TAFA2: variants seen among roughly 807,000 people sequenced by gnomAD.
TAFA2 encodes the protein chemokine-like protein TAFA-2.
Under a neutral mutation model 18.8 loss-of-function variants are expected in TAFA2, and 7 were observed. The observed-to-expected ratio is 0.37, with a 90% confidence interval of 0.21 to 0.70. The LOEUF is 0.70. Among genes scored for constraint, TAFA2 ranks in the 30% least tolerant of loss-of-function variants. The pLI, the probability that TAFA2 is intolerant of heterozygous loss-of-function variation, is 0.53. For synonymous variants in TAFA2, 60 were observed against 54.2 expected, an observed-to-expected ratio of 1.11 and a Z score of -0.47; for missense variants, 122 against 158.1, an observed-to-expected ratio of 0.77 and a Z score of 1.23.
rs376712058 is a variant in TAFA2, at chr12:61,715,777, G to T, written c.385-5360C>A. Among the ~76,000 whole-genome samples, 3 of 151,812 alleles carry T rather than the reference G, an allele frequency of 2.0e-5. No individual in the cohort carries two copies. The East Asian group carries it at 5.8e-4, about 29-fold the overall frequency. On this transcript the variant is annotated intron_variant, in intron 4 of 4. Coordinates refer to ENST00000416284, the MANE Select transcript of TAFA2 (RefSeq NM_178539.5). ...AAAAAAAAAAATTAAAAATTAGCCA[G>T]TCGTGATGGTGCACACCTCTAGTCC...
At chr12:61,916,858 G>A (rs1266174903) in intron 1 of TAFA2, among the ~76,000 whole-genome samples, 2 of 152,138 alleles carry the variant, frequency 1.3e-5, no homozygotes, top group East Asian at 3.8e-4. Context: ...AATAATTAAG[G>A]AAGGATATAT....
intron 1 of TAFA2, among the ~76,000 whole-genome samples, chr12:62,153,133 G>C: frequency 6.6e-6 from 1 of 152,186 alleles, no homozygotes; most frequent in East Asian, 1.9e-4. Flanking sequence ...GTCCAGCTAT[G>C]ATGCATGAGA....
intron 4 of TAFA2, among the ~76,000 whole-genome samples, chr12:61,724,397 C>T (rs1020350730): frequency 2.0e-5 from 3 of 150,942 alleles, no homozygotes; most frequent in African/African-American, 7.3e-5. Flanking sequence ...TCCTTCCTTC[C>T]ATTTCAATAC....
intron 1 of TAFA2, among the ~76,000 whole-genome samples, chr12:61,937,463 A>C (rs1877816392): frequency 6.6e-6 from 1 of 152,210 alleles, no homozygotes; most frequent in Non-Finnish European, 1.5e-5. Flanking sequence ...GGACACATAG[A>C]CTAGTGCAAC....
At position 62,191,818 on chromosome 12, in the gene TAFA2, T is replaced by TCA; in HGVS notation, c.-562_-561insTG. On this transcript the variant is annotated 5_prime_UTR_variant, in exon 1 of 5. Coordinates refer to ENST00000416284, the MANE Select transcript of TAFA2 (RefSeq NM_178539.5). ...CCTCTCGCCTCACGTCGTCTCTCCC[T>TCA]CTCACACACACACACACTCACACAT... 1 of 152,866 alleles carries TCA rather than the reference T, an allele frequency of 6.5e-6. No individual in the cohort carries two copies. The highest frequency in any genetic ancestry group is 1.5e-5 in the Non-Finnish European group (1 of 68,514). The allele number at this position is 152,866 out of a possible 1,614,324, so 9.5% of individuals were successfully genotyped here.
chr12:62,054,863 T>C (rs2136779177), intron 1 of TAFA2, among the ~76,000 whole-genome samples: 1 of 152,346 alleles, frequency 6.6e-6, no homozygotes, highest in Middle Eastern at 3.4e-3. Context: ...CATGATTTCA[T>C]CACAGAATCT....
At chr12:62,038,122 G>A (rs1336557800) in intron 1 of TAFA2, among the ~76,000 whole-genome samples, 2 of 152,038 alleles carry the variant, frequency 1.3e-5, no homozygotes, top group African/African-American at 4.8e-5. Flanking sequence ...GGGAGATGTA[G>A]GTCAAAACAG....
At chr12:61,987,661 A>G (rs563391919) in intron 1 of TAFA2, among the ~76,000 whole-genome samples, 14 of 152,346 alleles carry the variant, frequency 9.2e-5, no homozygotes, top group African/African-American at 3.4e-4. Context: ...TAAGCCAAAA[A>G]TAACCTAATC....
chr12:61,784,617 A>T (rs1870648057), intron 2 of TAFA2, among the ~76,000 whole-genome samples: 1 of 151,518 alleles, frequency 6.6e-6, no homozygotes. Context: ...TTATTAAAAA[A>T]CAACAAAGGT....
intron 4 of TAFA2, among the ~76,000 whole-genome samples, chr12:61,725,579 A>T (rs12303421): frequency 0.064 from 9,740 of 152,076 alleles, 990 homozygotes; most frequent in African/African-American, 0.22. Flanking sequence ...GCTTTGTCAA[A>T]GATCATTTAG....
intron 1 of TAFA2, among the ~76,000 whole-genome samples, chr12:62,219,691 T>C (rs932101806): frequency 5.9e-5 from 9 of 152,196 alleles, no homozygotes; most frequent in Middle Eastern, 3.2e-3. Flanking sequence ...TCACTGACTA[T>C]ATAACCTAAC....
chr12:62,255,221 A>C (rs1295009813), intron 1 of TAFA2: 3 of 152,226 alleles, frequency 2.0e-5, no homozygotes, highest in African/African-American at 7.2e-5. Flanking sequence ...AGCTTTCTAA[A>C]GTCCATCCAT....
At chr12:61,956,084 A>T (rs1878686644) in intron 1 of TAFA2, among the ~76,000 whole-genome samples, 2 of 152,122 alleles carry the variant, frequency 1.3e-5, no homozygotes, top group African/African-American at 4.8e-5. Flanking sequence ...ATGTATGCAT[A>T]CTAGCTAGAT....
At chr12:62,156,208 T>C (rs1193282909) in intron 1 of TAFA2, among the ~76,000 whole-genome samples, 2 of 152,220 alleles carry the variant, frequency 1.3e-5, no homozygotes, top group African/African-American at 2.4e-5. Context: ...TCAACATCAC[T>C]AATGATTAGG....
At chr12:61,929,958 C>G (rs959799374) in intron 1 of TAFA2, among the ~76,000 whole-genome samples, 2 of 145,240 alleles carry the variant, frequency 1.4e-5, no homozygotes, top group Non-Finnish European at 3.0e-5. Flanking sequence ...TGAACAATGA[C>G]AACACATGGA....
chr12:62,131,627 T>TA (rs144021353), intron 1 of TAFA2, among the ~76,000 whole-genome samples: 1 of 152,046 alleles, frequency 6.6e-6, no homozygotes, highest in African/African-American at 2.4e-5. Flanking sequence ...AAACACGATT[T>TA]AAAAAAAATT....
chr12:61,887,560 A>G (rs1565669883), intron 1 of TAFA2, among the ~76,000 whole-genome samples: 1 of 146,302 alleles, frequency 6.8e-6, no homozygotes, highest in Admixed American at 6.8e-5. Context: ...CATTAGGTAT[A>G]TCTCCCATTG....
intron 1 of TAFA2, among the ~76,000 whole-genome samples, chr12:61,943,636 A>G (rs1444072577): frequency 6.6e-6 from 1 of 152,080 alleles, no homozygotes; most frequent in African/African-American, 2.4e-5. Flanking sequence ...AAAACAAAAA[A>G]AGGCAGGGAT....
chr12:62,207,594 A>G (rs563076537), intron 1 of TAFA2, among the ~76,000 whole-genome samples: 1 of 152,286 alleles, frequency 6.6e-6, no homozygotes, highest in East Asian at 1.9e-4. Context: ...AGCTGCTTCC[A>G]TGAACTTTTT....
Sources: allele counts gnomAD v4.1 joint callset (sites outside exome capture counted in the v4.1 genomes callset), GRCh38; gene constraint gnomAD v4.1.1; transcripts MANE v1.5; gene names NCBI Gene and HGNC (gene_info 2026-07-23, HGNC 2026-07-21).